SH3BGRL: variants seen among roughly 807,000 people sequenced by gnomAD.
SH3BGRL encodes SH3 domain binding glutamate rich protein like.
A neutral mutation model predicts 9.8 loss-of-function variants in SH3BGRL; 7 were observed. That is an observed-to-expected ratio of 0.72 (90% confidence interval 0.41 to 1.35). SH3BGRL has a LOEUF of 1.35. SH3BGRL is among the 40% of genes most tolerant of loss of function. The probability of loss-of-function intolerance (pLI) is 0.01; values close to 1 mark genes in which losing one functional copy is unlikely to be tolerated. For synonymous variants in SH3BGRL, 36 were observed against 29.1 expected (o/e 1.24, Z -0.76); for missense variants, 73 against 84.4 (o/e 0.86, Z 0.53).
chrX:81,224,253 C>T (rs1294379443), intron 1 of SH3BGRL, among the ~76,000 whole-genome samples: 3 of 111,119 alleles, frequency 2.7e-5, no homozygotes, highest in Non-Finnish European at 5.7e-5. Flanking sequence ...TGTTAGAAAT[C>T]TTTGTCATCG....
intron 1 of SH3BGRL, among the ~76,000 whole-genome samples, chrX:81,241,367 C>T (rs2075668741): frequency 8.9e-6 from 1 of 112,259 alleles, no homozygotes; most frequent in Non-Finnish European, 1.9e-5. Context: ...TGAAACCCCA[C>T]CTTCAAGACA....
At chrX:81,277,190 C>A in intron 2 of SH3BGRL, 21 bp downstream of exon 2, 2 of 1,176,632 alleles carry the variant, frequency 1.7e-6, no homozygotes, top group Non-Finnish European at 2.3e-6. Flanking sequence ...AATTTAAATT[C>A]TTGTTTATTG....
intron 3 of SH3BGRL, among the ~76,000 whole-genome samples, chrX:81,283,151 C>T (rs1454870145): frequency 8.9e-6 from 1 of 111,775 alleles, no homozygotes; most frequent in Non-Finnish European, 1.9e-5. Flanking sequence ...AGACCAATAA[C>T]AGGCATCAAG....
chrX:81,279,804 A>G (rs1268094535), intron 3 of SH3BGRL, among the ~76,000 whole-genome samples: 2 of 111,265 alleles, frequency 1.8e-5, no homozygotes, highest in African/African-American at 6.6e-5. Context: ...CAAATTTTGT[A>G]ACAATTCGAA....
intron 1 of SH3BGRL, among the ~76,000 whole-genome samples, chrX:81,240,845 G>T (rs999634529): frequency 8.9e-6 from 1 of 112,911 alleles, no homozygotes; most frequent in Non-Finnish European, 1.9e-5. Flanking sequence ...CAGCTACAGT[G>T]GGGGAGATGC....
intron 1 of SH3BGRL, among the ~76,000 whole-genome samples, chrX:81,272,631 C>A (rs888760745): frequency 9.2e-6 from 1 of 109,050 alleles, no homozygotes; most frequent in Non-Finnish European, 1.9e-5. Flanking sequence ...CTCCTGGTAG[C>A]TGGGACTTCA....
chrX:81,204,309 AGT>A (rs1462658102), intron 1 of SH3BGRL, among the ~76,000 whole-genome samples: 1 of 112,112 alleles, frequency 8.9e-6, no homozygotes, highest in African/African-American at 3.2e-5. Flanking sequence ...AACAGTGTAA[AGT>A]GAGTACTTCT....
At chrX:81,202,292 T>C (rs745778719) in intron 1 of SH3BGRL, 47 bp downstream of exon 1, 1 of 1,134,429 alleles carries the variant, frequency 8.8e-7, no homozygotes, top group Non-Finnish European at 1.2e-6. Context: ...TACACACCAG[T>C]CCTCTGCTGC....
At chrX:81,296,065 CA>C (rs1213203398) in intron 3 of SH3BGRL, among the ~76,000 whole-genome samples, 1 of 111,636 alleles carries the variant, frequency 9.0e-6, no homozygotes, top group African/African-American at 3.3e-5. Flanking sequence ...CCCACACCTC[CA>C]AAGACTGTAC....
At chrX:81,231,251 A>G (rs1199537747) in intron 1 of SH3BGRL, among the ~76,000 whole-genome samples, 1 of 112,722 alleles carries the variant, frequency 8.9e-6, no homozygotes, top group Non-Finnish European at 1.9e-5. Flanking sequence ...ATGTCTAAAA[A>G]GATGGACTTA....
rs752756291 is a variant in SH3BGRL, at chrX:81,203,379, T to G, written c.45+1134T>G. Among the ~76,000 whole-genome samples, 3 of 111,973 alleles carry G rather than the reference T, an allele frequency of 2.7e-5. No individual in the cohort carries two copies. In the South Asian group the frequency reaches 1.1e-3, roughly 42 times the overall value. ...ATCACAAGAACCTTGATATTTGAAC[T>G]TTGTCTTCTCTGGCCACCATGTGTG... is the stretch of plus-strand genomic sequence containing the variant. On this transcript the variant is annotated intron_variant, in intron 1 of 3. Coordinates refer to ENST00000373212, the MANE Select transcript of SH3BGRL (RefSeq NM_003022.3).
chrX:81,234,890 C>G (rs2075642996), intron 1 of SH3BGRL, among the ~76,000 whole-genome samples: 1 of 111,863 alleles, frequency 8.9e-6, no homozygotes, highest in African/African-American at 3.2e-5. Context: ...TATGAGCTAG[C>G]AAGTACTTAT....
chrX:81,237,614 G>A (rs2075652476), intron 1 of SH3BGRL, among the ~76,000 whole-genome samples: 1 of 111,038 alleles, frequency 9.0e-6, no homozygotes. Context: ...TTGCCACAGA[G>A]GGTTACATTG....
At chrX:81,241,478 C>T (rs184568524) in intron 1 of SH3BGRL, among the ~76,000 whole-genome samples, 56 of 111,884 alleles carry the variant, frequency 5.0e-4, no homozygotes, top group Non-Finnish European at 8.9e-4. Context: ...CCCATGGCTC[C>T]CCATGGACCA....
rs751384259 is a variant in SH3BGRL, at chrX:81,297,181, G to T, written c.313-14G>T. ...ATGTTTAAACTTATCTGTTTTGTTT[G>T]TTTTTCATTTCAGGAAGCAGAAGTG... On this transcript the variant is annotated splice_polypyrimidine_tract_variant and intron_variant, in intron 3 of 3. Coordinates refer to ENST00000373212, the MANE Select transcript of SH3BGRL (RefSeq NM_003022.3). The T allele has an allele frequency of 1.7e-6, 2 of 1,204,885 alleles. No homozygotes were observed. Among genetic ancestry groups the T allele is most frequent in the Non-Finnish European group, 2.2e-6 (2 of 890,260 alleles).
chrX:81,271,757 T>C (rs2075780480), intron 1 of SH3BGRL, among the ~76,000 whole-genome samples: 1 of 111,220 alleles, frequency 9.0e-6, no homozygotes, highest in South Asian at 3.8e-4. Context: ...ACCACAAAGA[T>C]ACTCCTCAAG....
intron 1 of SH3BGRL, among the ~76,000 whole-genome samples, chrX:81,205,970 A>C (rs1194414183): frequency 9.0e-6 from 1 of 111,430 alleles, no homozygotes; most frequent in Non-Finnish European, 1.9e-5. Flanking sequence ...GTGATGCGGA[A>C]CATTTTTTCT....
intron 3 of SH3BGRL, among the ~76,000 whole-genome samples, chrX:81,288,916 T>TA (rs199920538): frequency 6.2e-4 from 68 of 109,764 alleles, no homozygotes; most frequent in Non-Finnish European, 9.4e-4. Flanking sequence ...TTCACAGAAA[T>TA]AAAAAAAAAT....
At chrX:81,286,677 C>T (rs1250658946) in intron 3 of SH3BGRL, among the ~76,000 whole-genome samples, 2 of 109,957 alleles carry the variant, frequency 1.8e-5, no homozygotes, top group Non-Finnish European at 3.8e-5. Context: ...AGTAATTTAT[C>T]AAAGGGTATA....
Sources: allele counts gnomAD v4.1 joint callset (sites outside exome capture counted in the v4.1 genomes callset), GRCh38; gene constraint gnomAD v4.1.1; transcripts MANE v1.5; gene names NCBI Gene and HGNC (gene_info 2026-07-23, HGNC 2026-07-21).